CYRIB: variants seen among roughly 807,000 people sequenced by gnomAD.
The protein encoded by CYRIB is CYFIP related Rac1 interactor B, also known as CYFIP-related Rac1 interactor B.
CYRIB carries 8 observed loss-of-function variants against 44.2 expected under a neutral mutation model. The ratio of observed to expected loss-of-function variants is 0.18; its 90% CI spans 0.11 to 0.33. The LOEUF (loss-of-function observed/expected upper bound fraction) is 0.33. CYRIB is among the 10% of genes least tolerant of loss of function. The pLI, the probability that CYRIB is intolerant of heterozygous loss-of-function variation, is 1.00. For synonymous variants in CYRIB, 131 were observed against 127.2 expected (o/e 1.03, Z -0.20); for missense variants, 185 against 382.8 (o/e 0.48, Z 4.31).
In CYRIB at chr8:129,936,704, CTT is replaced by C. The variant is rs397893033; in HGVS notation, c.-50+2902_-50+2903del. Reference sequence around the variant, plus strand: ...AAATTAGATAACCCAATATAGCAGTCTTTTTTTTTTTTTTTTTTTTGAGACGG... The same window carrying C: ...AAATTAGATAACCCAATATAGCAGTCTTTTTTTTTTTTTTTTTTGAGACGG... On this transcript the variant is annotated intron_variant, in intron 1 of 11. Transcript: ENST00000519824. Among the ~76,000 whole-genome samples the C allele has an allele frequency of 2.5e-3, 297 of 118,210 alleles. 1 individual carries two copies. Among genetic ancestry groups the C allele is most frequent in the African/African-American group, 8.3e-3 (244 of 29,474 alleles). 77.6% of individuals were successfully genotyped at this position (118,210 alleles called of 152,430 possible). A position where few individuals can be genotyped will look rare whatever the true frequency, so the allele number is the denominator to read the frequency against.
intron 2 of CYRIB, among the ~76,000 whole-genome samples, chr8:129,961,753 A>T (rs2095267557): frequency 1.3e-5 from 2 of 152,192 alleles, no homozygotes; most frequent in South Asian, 4.1e-4. Flanking sequence ...GAAGAGAACT[A>T]TGGCAAAACC....
At chr8:129,869,029 T>TA (rs1220227360) in intron 4 of CYRIB, among the ~76,000 whole-genome samples, 13 of 87,652 alleles carry the variant, frequency 1.5e-4, no homozygotes, top group African/African-American at 4.1e-4. Flanking sequence ...GAAACCCCAT[T>TA]AAAAAAAAGC....
intron 1 of CYRIB, among the ~76,000 whole-genome samples, chr8:129,919,362 T>C (rs973205862): frequency 1.3e-5 from 2 of 152,118 alleles, no homozygotes; most frequent in African/African-American, 4.8e-5. Context: ...TCCTCAAAAC[T>C]CAACAAAGAT....
chr8:129,997,151 G>A (rs1035478307), intron 1 of CYRIB, among the ~76,000 whole-genome samples: 5 of 148,986 alleles, frequency 3.4e-5, no homozygotes, highest in Admixed American at 3.3e-4. Context: ...GAGGAAAGGA[G>A]GGAGAGGGAA....
chr8:129,847,682 G>A (rs1392663085), intron 10 of CYRIB, among the ~76,000 whole-genome samples: 2 of 152,150 alleles, frequency 1.3e-5, no homozygotes, highest in Non-Finnish European at 2.9e-5. Flanking sequence ...ATTTTAAAAG[G>A]TAACCACTTG....
upstream of CYRIB, among the ~76,000 whole-genome samples, chr8:129,944,486 T>C (rs1311274965): frequency 3.3e-5 from 5 of 152,132 alleles, no homozygotes; most frequent in East Asian, 7.7e-4. Context: ...TTTATCCATG[T>C]AAATGCACTT....
intron 1 of CYRIB, among the ~76,000 whole-genome samples, chr8:130,012,646 CAA>C (rs2097252987): frequency 6.6e-6 from 1 of 152,108 alleles, no homozygotes; most frequent in Non-Finnish European, 1.5e-5. Flanking sequence ...AAGAGAAAGA[CAA>C]AGAGAAAGGA....
intron 2 of CYRIB, among the ~76,000 whole-genome samples, chr8:129,959,348 C>T (rs1248664951): frequency 8.5e-5 from 13 of 152,108 alleles, no homozygotes; most frequent in Admixed American, 8.5e-4. Context: ...GAACTTGTTT[C>T]CTCATCTGCA....
intron 4 of CYRIB, among the ~76,000 whole-genome samples, chr8:129,864,004 CA>C (rs997577925): frequency 2.0e-5 from 3 of 152,124 alleles, no homozygotes; most frequent in Non-Finnish European, 4.4e-5. Context: ...TCCATCCACA[CA>C]AAAAACAAAA....
intron 5 of CYRIB, among the ~76,000 whole-genome samples, chr8:129,858,735 T>TGGAGG (rs2047533517): frequency 6.6e-6 from 1 of 151,990 alleles, no homozygotes; most frequent in African/African-American, 2.4e-5. Context: ...TTATGACCCT[T>TGGAGG]GGAGGCAGTC....
At chr8:129,967,876 TC>T (rs1443770125) in intron 2 of CYRIB, among the ~76,000 whole-genome samples, 2 of 152,330 alleles carry the variant, frequency 1.3e-5, no homozygotes, top group East Asian at 3.9e-4. Context: ...TCTCCCTTAG[TC>T]CCTCTATGTA....
intron 2 of CYRIB, chr8:129,879,809 T>C (rs1230068855): frequency 4.7e-6 from 1 of 210,902 alleles, no homozygotes; most frequent in Non-Finnish European, 9.5e-6. Context: ...AAATTTCTGA[T>C]CAAGAATTAT....
intron 1 of CYRIB, among the ~76,000 whole-genome samples, chr8:129,906,155 G>C (rs1410996580): frequency 6.6e-6 from 1 of 152,060 alleles, no homozygotes; most frequent in Non-Finnish European, 1.5e-5. Flanking sequence ...TCAATCCTAA[G>C]CCAAAAGAAC....
intron 3 of CYRIB, 140 bp downstream of exon 5, chr8:129,879,249 A>G (rs758759833): frequency 2.4e-5 from 15 of 625,308 alleles, no homozygotes; most frequent in Non-Finnish European, 3.6e-5. Flanking sequence ...TCTAGAAGGC[A>G]CCAGAAATTT....
intron 1 of CYRIB, among the ~76,000 whole-genome samples, chr8:129,933,527 G>C (rs1287838605): frequency 2.0e-5 from 3 of 152,132 alleles, no homozygotes; most frequent in Non-Finnish European, 4.4e-5. Flanking sequence ...TTATGGGTGG[G>C]ATGTTTTGGA....
At chr8:130,011,451 G>A (rs2097212111) in intron 1 of CYRIB, among the ~76,000 whole-genome samples, 1 of 151,938 alleles carries the variant, frequency 6.6e-6, no homozygotes, top group African/African-American at 2.4e-5. Flanking sequence ...AACCCGGGAG[G>A]CAGAGGTTGC....
intron 3 of CYRIB, among the ~76,000 whole-genome samples, chr8:129,872,291 A>G (rs539781270): frequency 1.8e-3 from 267 of 152,260 alleles, no homozygotes; most frequent in African/African-American, 6.0e-3. Flanking sequence ...GTTCCTACAC[A>G]CTTGGGAGTA....
chr8:130,006,268 A>T (rs2097059643), intron 1 of CYRIB, among the ~76,000 whole-genome samples: 2 of 151,684 alleles, frequency 1.3e-5, no homozygotes, highest in Admixed American at 1.3e-4. Context: ...ACGCCGCTGT[A>T]CTCCAGCTTG....
chr8:129,961,654 C>G (rs767274929), intron 2 of CYRIB, among the ~76,000 whole-genome samples: 4 of 152,142 alleles, frequency 2.6e-5, no homozygotes, highest in Non-Finnish European at 5.9e-5. Flanking sequence ...ATCTCTGGTA[C>G]CCAGGTAGGC....
Sources: gnomAD v4.1 joint callset for allele counts (sites outside exome capture counted in the v4.1 genomes callset) on GRCh38, gnomAD v4.1.1 for gene constraint, MANE v1.5 for transcripts, NCBI Gene and HGNC (gene_info 2026-07-23, HGNC 2026-07-21) for gene names.